The following HMCN2 variants were observed in gnomAD, a reference collection of about 807,000 sequenced individuals.
The protein encoded by HMCN2 is hemicentin 2.
HMCN2 carries 325 observed loss-of-function variants against 377.5 expected under a neutral mutation model. The observed-to-expected ratio is 0.86, with a 90% CI of 0.79 to 0.94. HMCN2 has a LOEUF of 0.94. Ranked by LOEUF, HMCN2 falls within the 40% of genes least tolerant of loss-of-function variation. The pLI is 0.00. For missense variants in HMCN2, 4,543 were observed against 4,725.3 expected (o/e 0.96, Z 1.13); for synonymous variants, 2,007 against 2,046.8 (o/e 0.98, Z 0.53).
rs191191048 is a variant in HMCN2 at position 130,278,314 on chromosome 9, C to T, written c.260-6289C>T. 2.1e-3 allele frequency among the ~76,000 whole-genome samples: 318 copies of T among 151,936 alleles called. 3 individuals carry two copies. In the East Asian group the frequency reaches 0.038, roughly 18 times the overall value. ...TAATTTTTTGTATTTTTAGTAGAGA[C>T]GGGGTTTCACCGTGTTAGCCAGGTT... On this transcript the variant is annotated intron_variant, in intron 1 of 97. Transcript: ENST00000683500.
At position 130,423,909 on chromosome 9, in the gene HMCN2, G is replaced by A. The variant is rs1844162854; in HGVS notation, c.13382-867G>A. On this transcript the variant is annotated intron_variant, in intron 87 of 97. Coordinates refer to ENST00000683500, the MANE Select transcript of HMCN2 (RefSeq NM_001291815.2). The surrounding 1 kb of genome is among the most constrained non-coding windows in gnomAD (Gnocchi z 5.5). ...AGTCTGTGGAGTCCCTGGCTCCGTG[G>A]TGACCCGGGGCCCTCAATCGGTATT... is the stretch of plus-strand genomic sequence containing the variant. Among the ~76,000 whole-genome samples the A allele has an allele frequency of 6.6e-6, 1 of 152,164 alleles. No homozygotes were observed. The highest frequency in any genetic ancestry group is 1.5e-5 in the Non-Finnish European group (1 of 68,042).
At chr9:130,268,502 G>T (rs1414394005) in intron 1 of HMCN2, among the ~76,000 whole-genome samples, 5 of 149,268 alleles carry the variant, frequency 3.3e-5, no homozygotes, top group African/African-American at 9.7e-5. Context: ...GACAGGCCAG[G>T]TGGGGAGTAG....
At chr9:130,299,320 C>T (rs541474687) in intron 8 of HMCN2, 32 bp downstream of exon 8, 1 of 416,790 alleles carries the variant, frequency 2.4e-6, no homozygotes, top group East Asian at 7.3e-5. Flanking sequence ...CTCCCAGGCC[C>T]CTGGCTCATT....
Position 130,299,217 on chromosome 9 carries a change from T to C in HMCN2, c.1205T>C (p.Val402Ala), listed in dbSNP as rs782672382. 1.7e-5 allele frequency: 8 copies of C among 470,884 alleles called. No homozygotes were observed. The highest frequency in any genetic ancestry group is 1.4e-4 in the African/African-American group (7 of 50,028). 29.2% of individuals were successfully genotyped at this position (470,884 alleles called of 1,614,324 possible). A position where few individuals can be genotyped will look rare whatever the true frequency, so the allele number is the denominator to read the frequency against. The stretch of plus-strand genomic sequence containing the variant: ...CCCAAGGAGCGCTTCTACCTCAAGG[T>C]GAAGGGCAAGGACCATGAGGGAAAC... The part of the protein sequence containing the change: ...HTPKERFYLK[V>A]KGKDHEGNPL... The change falls in exon 8 of 98, where the codon GTG becomes GCG. Residue 402 changes from valine (V) to alanine (A), a missense_variant. By Grantham distance (64) the Val-to-Ala change is moderately conservative (BLOSUM62 0). Transcript: ENST00000683500.
intron 78 of HMCN2, 72 bp from the exon 79 acceptor site, chr9:130,403,122 T>C: frequency 2.4e-6 from 3 of 1,231,822 alleles, no homozygotes; most frequent in South Asian, 2.7e-5. Context: ...TCTCTGATGC[T>C]CCGAGGCCCG....
At chr9:130,415,565 A>T (rs1843639687) in intron 85 of HMCN2, among the ~76,000 whole-genome samples, 1 of 152,160 alleles carries the variant, frequency 6.6e-6, no homozygotes, top group African/African-American at 2.4e-5. Flanking sequence ...GCTGACAGGG[A>T]TGCTTCTGTG....
rs572830888 is a variant in HMCN2 at position 130,358,062 on chromosome 9, G to A, written c.5580+74G>A. 1.0e-4 allele frequency: 122 copies of A among 1,194,882 alleles called. No individual in the cohort carries two copies. In the African/African-American group the frequency reaches 1.6e-3, roughly 15 times the overall value. 74.0% of individuals were successfully genotyped at this position (1,194,882 alleles called of 1,614,324 possible). On this transcript the variant is annotated intron_variant, in intron 35 of 97. Transcript: ENST00000683500. ...GGGGCTGCTCTGGGGGCTTCCTGGA[G>A]ACTCTGAGCAAATCCCAGCAGGCTG...
Position 130,410,654 on chromosome 9 carries a change from T to A in HMCN2, c.12961+2T>A. The A allele has an allele frequency of 1.3e-6, 2 of 1,550,386 alleles. No individual in the cohort carries two copies. Among genetic ancestry groups the A allele is most frequent in the Non-Finnish European group, 1.7e-6 (2 of 1,146,888 alleles). ...AAGTGGTGATCCTCGTCCTGCAGAG[T>A]GAGTCTCGGCCTCAGCAGAGTGGGG... On this transcript the variant is annotated splice_donor_variant, in intron 85 of 97. Coordinates refer to ENST00000683500, the MANE Select transcript of HMCN2 (RefSeq NM_001291815.2). LOFTEE classifies it high-confidence loss of function.
At chr9:130,388,577 A>T in intron 62 of HMCN2, 37 bp downstream of exon 62, 1 of 987,624 alleles carries the variant, frequency 1.0e-6, no homozygotes. Flanking sequence ...CGCGTAAAGC[A>T]TTCCTTTCTT....
At position 130,347,202 on chromosome 9, in the gene HMCN2, C is replaced by G. The variant is rs1488131900; in HGVS notation, c.3866C>G (p.Pro1289Arg). 12 of 152,402 alleles carry G rather than the reference C, an allele frequency of 7.9e-5. No homozygotes were observed. In the East Asian group the frequency reaches 1.9e-3, roughly 25 times the overall value. 9.4% of individuals were successfully genotyped at this position (152,402 alleles called of 1,614,324 possible). The part of the protein sequence containing the change: ...PKPQVTWRKG[P>R]SSEPLHGQPG... ...CCGCAGGTCACATGGAGGAAGGGCC[C>G]GTCCTCGGAGCCCCTGCATGGCCAG... The change falls in exon 26 of 98, where the codon CCG becomes CGG. Residue 1289 changes from proline (P) to arginine (R), a missense_variant. Around this residue, in one of 5 missense-constraint regions of HMCN2, gnomAD observed 547 missense variants for 189.9 expected, o/e 2.88. Transcript: ENST00000683500. This position sits in a 1 kb window ranked among gnomAD's most constrained non-coding sequence, Gnocchi z 5.1.
intron 82 of HMCN2, 90 bp from the exon 83 acceptor site, chr9:130,407,481 A>AT: frequency 8.6e-7 from 1 of 1,163,972 alleles, no homozygotes; most frequent in Non-Finnish European, 1.1e-6. Flanking sequence ...CTGTTTCTGC[A>AT]TTTTTATTAA....
chr9:130,271,467 T>C (rs1834401051), intron 1 of HMCN2, among the ~76,000 whole-genome samples: 1 of 149,384 alleles, frequency 6.7e-6, no homozygotes, highest in Non-Finnish European at 1.5e-5. Context: ...TTATACTTTG[T>C]GTTATGATCC....
In HMCN2 at chr9:130,423,901, G is replaced by C. The variant is rs181565900; in HGVS notation, c.13382-875G>C. 9.9e-4 allele frequency among the ~76,000 whole-genome samples: 151 copies of C among 152,294 alleles called. No individual in the cohort carries two copies. The highest frequency in any genetic ancestry group is 3.6e-3 in the African/African-American group (149 of 41,550). On this transcript the variant is annotated intron_variant, in intron 87 of 97. Coordinates refer to ENST00000683500, the MANE Select transcript of HMCN2 (RefSeq NM_001291815.2). This position sits in a 1 kb window ranked among gnomAD's most constrained non-coding sequence, Gnocchi z 5.5. ...ATAATGACAGTCTGTGGAGTCCCTGGCTCCGTGGTGACCCGGGGCCCTCAA... is the reference window on the plus strand; with the variant it reads ...ATAATGACAGTCTGTGGAGTCCCTGCCTCCGTGGTGACCCGGGGCCCTCAA...
chr9:130,349,685 GAT>G lies in HMCN2; in HGVS notation c.4430+23_4430+24del, dbSNP rs1564803893. The G allele has an allele frequency of 4.6e-6, 6 of 1,298,990 alleles. No individual in the cohort carries two copies. In the South Asian group the frequency reaches 7.4e-5, roughly 16 times the overall value. The allele number at this position is 1,298,990 out of a possible 1,614,324, so 80.5% of individuals were successfully genotyped here. A position where few individuals can be genotyped will look rare whatever the true frequency, so the allele number is the denominator to read the frequency against. ...GGCAGTGAGTGCCCCCCTCCCCGAGGATGGCGTGTGGTGGTGCCCAGACTCAG... is the reference window on the plus strand; with the variant it reads ...GGCAGTGAGTGCCCCCCTCCCCGAGGGGCGTGTGGTGGTGCCCAGACTCAG... On this transcript the variant is annotated intron_variant, in intron 29 of 97. Coordinates refer to ENST00000683500, the MANE Select transcript of HMCN2 (RefSeq NM_001291815.2).
chr9:130,403,339 C>T lies in HMCN2; in HGVS notation c.12013+11C>T. 1 of 1,289,790 alleles carries T rather than the reference C, an allele frequency of 7.8e-7. No homozygotes were observed. The highest frequency in any genetic ancestry group is 1.0e-6 in the Non-Finnish European group (1 of 988,828). 79.9% of individuals were successfully genotyped at this position (1,289,790 alleles called of 1,614,324 possible). A position where few individuals can be genotyped will look rare whatever the true frequency, so the allele number is the denominator to read the frequency against. ...TCAACGTCGCTACTGGTGAGGGCCC[C>T]TGGCAGCCAGCCTGGGAAGGGAAGA... is the stretch of plus-strand genomic sequence containing the variant. On this transcript the variant is annotated intron_variant, in intron 79 of 97. Coordinates refer to ENST00000683500, the MANE Select transcript of HMCN2 (RefSeq NM_001291815.2).
chr9:130,390,965 T>A lies in HMCN2; in HGVS notation c.9524-12T>A, dbSNP rs988377990. ...GGGGCTGGGGGATTCAGGGGACCCC[T>A]CTGTCCCACAGAGAGCAGCGCGGTG... On this transcript the variant is annotated splice_polypyrimidine_tract_variant and intron_variant, in intron 62 of 97. Transcript: ENST00000683500. The A allele has an allele frequency of 1.0e-6, 1 of 986,432 alleles. No homozygotes were observed. The highest frequency in any genetic ancestry group is 6.1e-5 in the Admixed American group (1 of 16,264). 61.1% of individuals were successfully genotyped at this position (986,432 alleles called of 1,614,324 possible). A position where few individuals can be genotyped will look rare whatever the true frequency, so the allele number is the denominator to read the frequency against.
intron 48 of HMCN2, among the ~76,000 whole-genome samples, chr9:130,374,296 C>A (rs2131609383): frequency 6.6e-6 from 1 of 152,254 alleles, no homozygotes; most frequent in Non-Finnish European, 1.5e-5. Flanking sequence ...TATGCTAAGC[C>A]ATCTCTAGCC....
At chr9:130,272,216 C>T (rs1421269139) in intron 1 of HMCN2, among the ~76,000 whole-genome samples, 2 of 148,624 alleles carry the variant, frequency 1.3e-5, no homozygotes, top group African/African-American at 4.9e-5. Context: ...TCAGCTTCTT[C>T]TTCTTTTTTA....
At chr9:130,417,536 AAC>A (rs66670607) in intron 85 of HMCN2, among the ~76,000 whole-genome samples, 38,788 of 120,872 alleles carry the variant, frequency 0.32, 6,467 homozygotes, top group South Asian at 0.39. Context: ...AAAAAAAAAA[AAC>A]AAAAAAAAAC....
Sources: gnomAD v4.1 joint callset for allele counts (sites outside exome capture counted in the v4.1 genomes callset) on GRCh38, gnomAD v4.1.1 for gene constraint, gnomAD v4.1.1 regional missense constraint, Gnocchi (gnomAD v3.1) non-coding constraint, MANE v1.5 for transcripts, NCBI Gene and HGNC (gene_info 2026-07-23, HGNC 2026-07-21) for gene names.